Variants in DNAH5 observed in about 807,000 individuals in gnomAD.
DNAH5 encodes axonemal beta dynein heavy chain 5.
Under a neutral mutation model 518.2 loss-of-function variants are expected in DNAH5, and 372 were observed. That is an observed-to-expected ratio of 0.72 (90% CI 0.66 to 0.78). The LOEUF (loss-of-function observed/expected upper bound fraction) is 0.78, where lower values mean the gene tolerates loss of function less well. Ranked by LOEUF, DNAH5 falls within the 30% of genes least tolerant of loss-of-function variation. The pLI is 0.00. For missense variants in DNAH5, 5,523 were observed against 5,687.0 expected (o/e 0.97, Z 0.93); for synonymous variants, 2,039 against 2,025.9 (o/e 1.01, Z -0.17).
exon 1 of DNAH5, among the ~76,000 whole-genome samples, chr5:14,011,718 C>A (rs1194411318): frequency 6.6e-6 from 1 of 152,156 alleles, no homozygotes; most frequent in East Asian, 1.9e-4. Flanking sequence ...CAGGGAGGAC[C>A]CCGCCGCAGC....
chr5:13,826,668 C>T (rs1049539867), intron 38 of DNAH5, among the ~76,000 whole-genome samples: 2 of 152,222 alleles, frequency 1.3e-5, no homozygotes, highest in Non-Finnish European at 2.9e-5. Context: ...TTCAATTAAA[C>T]CTCTTTCCTT....
rs1338867680 is a variant in DNAH5, at chr5:13,780,932, C to A, written c.8848G>T (p.Gly2950Ter). Residue 2950 changes from glycine to a stop codon, truncating the protein, a stop_gained, in exon 53 of 79, where the codon GGA becomes TGA. Transcript: ENST00000265104. LOFTEE classifies it high-confidence loss of function. Reference protein sequence around the residue: ...KISRVIRTPQGNALLVGVGGS... With the variant: ...KISRVIRTPQ The stretch of plus-strand genomic sequence containing the variant: ...CCCACCCCGACCAGGAGGGCATTTC[C>A]CTGAGGAGTACGAATGACACGAGAG... 6.2e-7 allele frequency: 1 copy of A among 1,613,694 alleles called. No individual in the cohort carries two copies. The highest frequency in any genetic ancestry group is 1.7e-5 in the Admixed American group (1 of 59,972).
chr5:13,915,318 A>T (rs150305147), intron 9 of DNAH5, among the ~76,000 whole-genome samples: 4 of 152,256 alleles, frequency 2.6e-5, no homozygotes, highest in African/African-American at 9.6e-5. Flanking sequence ...TGTACATGGC[A>T]TTCCAGTATA....
chr5:13,761,249 A>G (rs1232217220), intron 60 of DNAH5, among the ~76,000 whole-genome samples: 1 of 152,180 alleles, frequency 6.6e-6, no homozygotes, highest in African/African-American at 2.4e-5. Flanking sequence ...TTAAAATGAC[A>G]ACAATAACAG....
chr5:13,920,018 G>A (rs1026570565), intron 6 of DNAH5, among the ~76,000 whole-genome samples: 1 of 152,198 alleles, frequency 6.6e-6, no homozygotes, highest in Admixed American at 6.5e-5. Context: ...TAACCTTGGA[G>A]GAACATGGCC....
intron 1 of DNAH5, among the ~76,000 whole-genome samples, chr5:13,935,994 G>T (rs1778889973): frequency 1.3e-5 from 2 of 152,314 alleles, no homozygotes; most frequent in Middle Eastern, 6.8e-3. Context: ...AGGAAATCTA[G>T]AGCAGCATTA....
intron 1 of DNAH5, among the ~76,000 whole-genome samples, chr5:13,961,645 A>C (rs945317618): frequency 1.5e-5 from 1 of 65,696 alleles, no homozygotes; most frequent in South Asian, 7.3e-4. Context: ...CTCCTTCTGA[A>C]AAAAAGAAAA....
chr5:13,887,411 TAATA>T lies in DNAH5; in HGVS notation c.2578-1286_2578-1283del, dbSNP rs138448294. The stretch of plus-strand genomic sequence containing the variant: ...TATAAACGCAATGAGGAAAAAGAAG[TAATA>T]AATAGACTCATTAAAATATCCCCCA... On this transcript the variant is annotated intron_variant, in intron 17 of 78. Transcript: ENST00000265104. Among the ~76,000 whole-genome samples, 255 of 152,252 alleles carry T rather than the reference TAATA, an allele frequency of 1.7e-3. 2 individuals carry two copies. The highest frequency in any genetic ancestry group is 5.7e-3 in the African/African-American group (237 of 41,554).
At chr5:13,931,017 C>G in intron 2 of DNAH5, 93 bp downstream of exon 2, 2 of 1,597,988 alleles carry the variant, frequency 1.3e-6, no homozygotes, top group Non-Finnish European at 1.7e-6. Context: ...GCACCTCCCT[C>G]TGGGCACAGC....
In DNAH5 at chr5:13,883,111, C is replaced by G; in HGVS notation, c.2984-17G>C. Reference sequence around the variant, plus strand: ...TGTTACTGTCTGAGTTAACCCAAAACAAGGAAGAATTCACATTTTTAATAC... The same window carrying G: ...TGTTACTGTCTGAGTTAACCCAAAAGAAGGAAGAATTCACATTTTTAATAC... On this transcript the variant is annotated splice_polypyrimidine_tract_variant and intron_variant, in intron 19 of 78. Transcript: ENST00000265104. 6.2e-7 allele frequency: 1 copy of G among 1,612,344 alleles called. No homozygotes were observed. The highest frequency in any genetic ancestry group is 1.1e-5 in the South Asian group (1 of 91,060).
intron 21 of DNAH5, among the ~76,000 whole-genome samples, chr5:13,879,391 C>T (rs1271204193): frequency 2.0e-4 from 30 of 152,012 alleles, no homozygotes; most frequent in Non-Finnish European, 5.9e-5. Flanking sequence ...CCTAGTAAGC[C>T]TATTGTAAAG....
At chr5:13,915,020 G>A (rs551214908) in intron 9 of DNAH5, among the ~76,000 whole-genome samples, 2 of 152,112 alleles carry the variant, frequency 1.3e-5, no homozygotes, top group East Asian at 1.9e-4. Flanking sequence ...AAGTACTGCC[G>A]ATCCTGATCT....
intron 31 of DNAH5, among the ~76,000 whole-genome samples, chr5:13,845,750 A>T (rs1765895675): frequency 1.5e-5 from 2 of 133,804 alleles, no homozygotes; most frequent in African/African-American, 3.0e-5. Flanking sequence ...TTTAAACTTT[A>T]CCAGCTTTTT....
intron 34 of DNAH5, 137 bp downstream of exon 34, chr5:13,840,769 C>T (rs2151859690): frequency 1.4e-6 from 1 of 706,918 alleles, no homozygotes; most frequent in South Asian, 1.7e-5. Flanking sequence ...AGCTGATAAG[C>T]TCTGATTACA....
At chr5:13,696,449 T>C (rs1741411349) in intron 78 of DNAH5, among the ~76,000 whole-genome samples, 1 of 152,196 alleles carries the variant, frequency 6.6e-6, no homozygotes, top group South Asian at 2.1e-4. Flanking sequence ...CTTTTTCAAG[T>C]TTCAGGGTAT....
intron 65 of DNAH5, among the ~76,000 whole-genome samples, chr5:13,748,782 G>A (rs984133891): frequency 3.3e-5 from 5 of 152,140 alleles, no homozygotes; most frequent in South Asian, 2.1e-4. Context: ...ATTTTGGGCT[G>A]AGACAATGGG....
intron 1 of DNAH5, among the ~76,000 whole-genome samples, chr5:13,961,148 T>C (rs887188327): frequency 6.6e-6 from 1 of 152,182 alleles, no homozygotes; most frequent in African/African-American, 2.4e-5. Context: ...CCTCCCTCCC[T>C]TGACCACTTT....
chr5:13,951,220 T>G (rs1394227065), intron 1 of DNAH5, among the ~76,000 whole-genome samples: 2 of 130,742 alleles, frequency 1.5e-5, no homozygotes, highest in Non-Finnish European at 3.2e-5. Flanking sequence ...TTTTTTTTTT[T>G]TTTTTTTTTT....
At chr5:13,963,744 A>C (rs565321515) in intron 1 of DNAH5, among the ~76,000 whole-genome samples, 1 of 152,082 alleles carries the variant, frequency 6.6e-6, no homozygotes, top group Non-Finnish European at 1.5e-5. Flanking sequence ...CCTCCTCCAC[A>C]GTGGCACTAT....
Sources: gnomAD v4.1 joint callset for allele counts (sites outside exome capture counted in the v4.1 genomes callset) on GRCh38, gnomAD v4.1.1 for gene constraint, MANE v1.5 for transcripts, NCBI Gene and HGNC (gene_info 2026-07-23, HGNC 2026-07-21) for gene names.